TRADD: variants seen among roughly 807,000 people sequenced by gnomAD.
TRADD encodes the protein tumor necrosis factor receptor type 1-associated DEATH domain protein.
Under a neutral mutation model 31.5 loss-of-function variants are expected in TRADD, and 14 were observed. That is an observed-to-expected ratio of 0.44 (90% CI 0.29 to 0.69). The LOEUF is 0.69. TRADD is among the 30% of genes least tolerant of loss of function. The pLI, the probability that TRADD is intolerant of heterozygous loss-of-function variation, is 0.11. For synonymous variants in TRADD, 220 were observed against 215.8 expected (o/e 1.02, Z -0.17); for missense variants, 388 against 435.7 (o/e 0.89, Z 0.97).
At position 67,155,206 on chromosome 16, in the gene TRADD, C is replaced by T. The variant is rs1435893769; in HGVS notation, c.518G>A (p.Gly173Glu). 1 of 1,590,522 alleles carries T rather than the reference C, an allele frequency of 6.3e-7. No individual in the cohort carries two copies. The change falls in exon 4 of 5, where the codon GGG becomes GAG. Residue 173 changes from glycine to glutamate, a missense_variant. By Grantham distance (98) the Gly-to-Glu change is moderately conservative. Coordinates refer to ENST00000345057, the MANE Select transcript of TRADD (RefSeq NM_003789.4). ...KCGSGARGGD[G>E]EVASAPLQPP... ...CTGCAAGGGGGCCGAAGCGACCTCCCCGTCGCCACCCCGGGCCCCCGAGCC... is the reference window on the plus strand; with the variant it reads ...CTGCAAGGGGGCCGAAGCGACCTCCTCGTCGCCACCCCGGGCCCCCGAGCC...
rs2030832572 is a variant in TRADD at position 67,159,690 on chromosome 16, C to A, written c.-9+148G>T. The stretch of plus-strand genomic sequence containing the variant: ...ATTCCGTACCGTCCCCCGCCTCCCA[C>A]GGTGTTCGAACAGCTCAGTAGACCG... On this transcript the variant is annotated intron_variant, in intron 1 of 4. Coordinates refer to ENST00000345057, the MANE Select transcript of TRADD (RefSeq NM_003789.4). This position sits in a 1 kb window ranked among gnomAD's most constrained non-coding sequence, Gnocchi z 6.8. The A allele has an allele frequency of 6.6e-6, 1 of 152,384 alleles. No homozygotes were observed. The highest frequency in any genetic ancestry group is 1.5e-5 in the Non-Finnish European group (1 of 68,162). The allele number at this position is 152,384 out of a possible 1,614,324, so 9.4% of individuals were successfully genotyped here. A position where few individuals can be genotyped will look rare whatever the true frequency, so the allele number is the denominator to read the frequency against.
chr16:67,154,652 G>C lies in TRADD; in HGVS notation c.936C>G (p.Ala312=). ...LGLTDPNGGL[A] ...AAAAGCTGGCTGCACCCCTGGTCTA[G>C]GCCAGGCCGCCATTGGGATCGGTCA... Residue 312 remains alanine (A), a synonymous_variant, in exon 5 of 5, where the codon GCC becomes GCG. Coordinates refer to ENST00000345057, the MANE Select transcript of TRADD (RefSeq NM_003789.4). The surrounding 1 kb of genome is among the most constrained non-coding windows in gnomAD (Gnocchi z 5.2). 3 of 1,612,344 alleles carry C rather than the reference G, an allele frequency of 1.9e-6. No homozygotes were observed. The highest frequency in any genetic ancestry group is 2.2e-5 in the South Asian group (2 of 90,910).
intron 1 of TRADD, among the ~76,000 whole-genome samples, chr16:67,157,793 G>C (rs13312723): frequency 0.036 from 5,418 of 152,146 alleles, 146 homozygotes; most frequent in South Asian, 0.078. Flanking sequence ...CTGGACCAGC[G>C]GGGGCAAAAT....
rs3834550 is a variant in TRADD at position 67,157,589 on chromosome 16, TC to T, written c.-8-922del. On this transcript the variant is annotated intron_variant, in intron 1 of 4. Transcript: ENST00000345057. ...CATACTAGGCCCCTGGATCCAGCCGTCCCTGAAGCCATTGCACACTGGACTT... is the reference window on the plus strand; with the variant it reads ...CATACTAGGCCCCTGGATCCAGCCGTCCTGAAGCCATTGCACACTGGACTT... 2.0e-3 allele frequency among the ~76,000 whole-genome samples: 306 copies of T among 152,292 alleles called. 4 individuals carry two copies. In the East Asian group the frequency reaches 0.052, roughly 26 times the overall value.
In TRADD at chr16:67,155,536, G is replaced by A. The variant is rs769747664; in HGVS notation, c.270C>T (p.Tyr90=). The A allele has an allele frequency of 4.1e-5, 62 of 1,520,896 alleles. No homozygotes were observed. The South Asian group carries it at 7.5e-4, about 18-fold the overall frequency. The allele number at this position is 1,520,896 out of a possible 1,614,324, so 94.2% of individuals were successfully genotyped here. A position where few individuals can be genotyped will look rare whatever the true frequency, so the allele number is the denominator to read the frequency against. Reference sequence around the variant, plus strand: ...GCGCGGCGCGCAGCGCCCCCTCGCGGTAGGCGCGGAGGAAGCGGCCACAGG... The same window carrying A: ...GCGCGGCGCGCAGCGCCCCCTCGCGATAGGCGCGGAGGAAGCGGCCACAGG... ...RQPCGRFLRA[Y]REGALRAALQ... The change falls in exon 3 of 5, where the codon TAC becomes TAT. Residue 90 remains tyrosine (Y), a synonymous_variant. Transcript: ENST00000345057.
chr16:67,159,357 C>A lies in TRADD; in HGVS notation c.-9+481G>T, dbSNP rs964864836. On this transcript the variant is annotated intron_variant, in intron 1 of 4. Coordinates refer to ENST00000345057, the MANE Select transcript of TRADD (RefSeq NM_003789.4). This position sits in a 1 kb window ranked among gnomAD's most constrained non-coding sequence, Gnocchi z 6.8. ...CTAACAGTCCCGGGGGCAGCCCCAC[C>A]TCTGGCTGGGTGGACAGAGACAGCC... Among the ~76,000 whole-genome samples, 1 of 152,206 alleles carries A rather than the reference C, an allele frequency of 6.6e-6. No homozygotes were observed. The highest frequency in any genetic ancestry group is 1.5e-5 in the Non-Finnish European group (1 of 68,036).
At position 67,159,825 on chromosome 16, in the gene TRADD, C is replaced by T. The variant is rs997764991; in HGVS notation, c.-9+13G>A. 6.6e-6 allele frequency: 1 copy of T among 152,366 alleles called. No homozygotes were observed. The highest frequency in any genetic ancestry group is 1.5e-5 in the Non-Finnish European group (1 of 68,128). 9.4% of individuals were successfully genotyped at this position (152,366 alleles called of 1,614,324 possible). On this transcript the variant is annotated intron_variant, in intron 1 of 4. Coordinates refer to ENST00000345057, the MANE Select transcript of TRADD (RefSeq NM_003789.4). The surrounding 1 kb of genome is among the most constrained non-coding windows in gnomAD (Gnocchi z 6.8). ...CGCACCGGGGAGCCCACCCACCCAC[C>T]TGCTGCACTAACCTGGCCGCCTCGG... is the stretch of plus-strand genomic sequence containing the variant.
In TRADD at chr16:67,156,326, C is replaced by T; in HGVS notation, c.151+184G>A. The T allele has an allele frequency of 8.7e-7, 1 of 1,155,602 alleles. No individual in the cohort carries two copies. Among genetic ancestry groups the T allele is most frequent in the South Asian group, 1.4e-5 (1 of 69,540 alleles). 71.6% of individuals were successfully genotyped at this position (1,155,602 alleles called of 1,614,324 possible). A position where few individuals can be genotyped will look rare whatever the true frequency, so the allele number is the denominator to read the frequency against. ...CACAAATTGGTAAATCATACACAGACTCGAGAACACACGCCTATCCTCAAG... is the reference window on the plus strand; with the variant it reads ...CACAAATTGGTAAATCATACACAGATTCGAGAACACACGCCTATCCTCAAG... On this transcript the variant is annotated intron_variant, in intron 2 of 4. Coordinates refer to ENST00000345057, the MANE Select transcript of TRADD (RefSeq NM_003789.4). The surrounding 1 kb of genome is among the most constrained non-coding windows in gnomAD (Gnocchi z 4.6).
chr16:67,156,798 C>T lies in TRADD; in HGVS notation c.-8-130G>A. 8 of 1,246,472 alleles carry T rather than the reference C, an allele frequency of 6.4e-6. No individual in the cohort carries two copies. The South Asian group carries it at 8.4e-5, about 13-fold the overall frequency. The allele number at this position is 1,246,472 out of a possible 1,614,324, so 77.2% of individuals were successfully genotyped here. On this transcript the variant is annotated intron_variant, in intron 1 of 4. Coordinates refer to ENST00000345057, the MANE Select transcript of TRADD (RefSeq NM_003789.4). This position sits in a 1 kb window ranked among gnomAD's most constrained non-coding sequence, Gnocchi z 4.6. ...AAGTCCCACATGGTTCAGTTGTCCC[C>T]ACCACTGGTTGGCATACTTGGGACA...
At chr16:67,157,025 G>A (rs2030724369) in intron 1 of TRADD, among the ~76,000 whole-genome samples, 1 of 152,148 alleles carries the variant, frequency 6.6e-6, no homozygotes, top group African/African-American at 2.4e-5. Context: ...TCTTACCAAT[G>A]CGGACAAGAG....
At position 67,156,556 on chromosome 16, in the gene TRADD, G is replaced by T; in HGVS notation, c.105C>A (p.Pro35=). The T allele has an allele frequency of 6.2e-7, 1 of 1,613,802 alleles. No homozygotes were observed. The highest frequency in any genetic ancestry group is 8.5e-7 in the Non-Finnish European group (1 of 1,180,026). ...KVVLSDAYAH[P]QQKVAVYRAL... is the part of the protein sequence containing the mutation. ...CCCTGTACACTGCCACCTTCTGCTG[G>T]GGGTGCGCGTAGGCATCCGACAGGA... The change falls in exon 2 of 5, where the codon CCC becomes CCA. Residue 35 remains proline, a synonymous_variant. Transcript: ENST00000345057. This position sits in a 1 kb window ranked among gnomAD's most constrained non-coding sequence, Gnocchi z 4.6.
At position 67,156,513 on chromosome 16, in the gene TRADD, C is replaced by G. The variant is rs752751020; in HGVS notation, c.148G>C (p.Ala50Pro). The G allele has an allele frequency of 3.1e-6, 5 of 1,612,394 alleles. No individual in the cohort carries two copies. The highest frequency in any genetic ancestry group is 4.2e-6 in the Non-Finnish European group (5 of 1,180,018). Residue 50 changes from alanine to proline, a missense_variant, in exon 2 of 5, where the codon GCA (alanine) becomes CCA (proline). Physicochemically the swap from Ala to Pro is conservative, Grantham distance 27. Transcript: ENST00000345057. The surrounding 1 kb of genome is among the most constrained non-coding windows in gnomAD (Gnocchi z 4.6). ...AVYRALQAALAESGGSPDVLQ... is the reference protein window; with the variant it reads ...AVYRALQAALPESGGSPDVLQ... ...ACATGCCCGCCCATCCACGCACCTG[C>G]CAAGGCAGCCTGCAGAGCCCTGTAC...
At chr16:67,155,788 C>G in intron 2 of TRADD, 134 bp from the exon 3 acceptor site, 1 of 1,465,332 alleles carries the variant, frequency 6.8e-7, no homozygotes, top group Non-Finnish European at 9.0e-7. Context: ...CCCCAGAGTA[C>G]CCAGCTGGGA....
chr16:67,157,525 G>GA (rs1175212999), intron 1 of TRADD, among the ~76,000 whole-genome samples: 1 of 152,148 alleles, frequency 6.6e-6, no homozygotes, highest in Non-Finnish European at 1.5e-5. Context: ...AGCTGACACA[G>GA]AAAGAAAGAG....
intron 2 of TRADD, 184 bp from the exon 3 acceptor site, chr16:67,155,838 G>C (rs1338710388): frequency 6.8e-7 from 1 of 1,480,390 alleles, no homozygotes; most frequent in Non-Finnish European, 8.9e-7. Context: ...CCAGAAAGAA[G>C]ACCAGGATCT....
chr16:67,155,002 A>G (rs1362610793), intron 4 of TRADD, 43 bp from the exon 5 acceptor site: 3 of 1,583,970 alleles, frequency 1.9e-6, no homozygotes, highest in Middle Eastern at 1.7e-4. Flanking sequence ...GGGGACCCCC[A>G]GCGCCGGTCC....
At chr16:67,155,727 G>A (rs2030668684) in intron 2 of TRADD, 73 bp from the exon 3 acceptor site, 8 of 1,498,366 alleles carry the variant, frequency 5.3e-6, no homozygotes, top group Non-Finnish European at 6.2e-6. Flanking sequence ...GAGGAGGGGC[G>A]AAGCCCGTGG....
rs1376204440 is a variant in TRADD, at chr16:67,159,315, C to T, written c.-9+523G>A. 6.6e-6 allele frequency among the ~76,000 whole-genome samples: 1 copy of T among 152,220 alleles called. No individual in the cohort carries two copies. Among genetic ancestry groups the T allele is most frequent in the Non-Finnish European group, 1.5e-5 (1 of 68,036 alleles). ...CCTGTTTCCAGGGACGAGCCACGCA[C>T]GGTGCCCCCTGAACACCTAACAGTC... is the stretch of plus-strand genomic sequence containing the variant. On this transcript the variant is annotated intron_variant, in intron 1 of 4. Coordinates refer to ENST00000345057, the MANE Select transcript of TRADD (RefSeq NM_003789.4). This position sits in a 1 kb window ranked among gnomAD's most constrained non-coding sequence, Gnocchi z 6.8.
At position 67,155,479 on chromosome 16, in the gene TRADD, C is replaced by A; in HGVS notation, c.327G>T (p.Gln109His). Residue 109 changes from glutamine (Q) to histidine (H), a missense_variant, in exon 3 of 5, where the codon CAG becomes CAT. By Grantham distance (24) the Gln-to-His change is conservative. Coordinates refer to ENST00000345057, the MANE Select transcript of TRADD (RefSeq NM_003789.4). ...GCTCCAGTTGCAGCGGCACCGAGTGCTGGGCGAGCGCGGCCGCCAGGCTCC... is the reference window on the plus strand; with the variant it reads ...GCTCCAGTTGCAGCGGCACCGAGTGATGGGCGAGCGCGGCCGCCAGGCTCC... ...LQRSLAAALA[Q>H]HSVPLQLELR... The A allele has an allele frequency of 6.3e-7, 1 of 1,576,924 alleles. No individual in the cohort carries two copies. The highest frequency in any genetic ancestry group is 8.6e-7 in the Non-Finnish European group (1 of 1,169,368).
Sources: gnomAD v4.1 joint callset for allele counts (sites outside exome capture counted in the v4.1 genomes callset) on GRCh38, gnomAD v4.1.1 for gene constraint, Gnocchi (gnomAD v3.1) non-coding constraint, MANE v1.5 for transcripts, NCBI Gene and HGNC (gene_info 2026-07-23, HGNC 2026-07-21) for gene names.